Variants in PLAGL1 observed in about 807,000 individuals in gnomAD.
The protein encoded by PLAGL1 is zinc finger protein PLAGL1.
PLAGL1 carries 1 observed loss-of-function variant against 4.6 expected under a neutral mutation model. The ratio of observed to expected loss-of-function variants is 0.22; its 90% CI spans 0.08 to 1.03. PLAGL1 has a LOEUF of 1.03. Ranked by LOEUF, PLAGL1 falls within the 50% of genes least tolerant of loss-of-function variation. The pLI is 0.58. For missense variants in PLAGL1, 464 were observed against 570.4 expected (o/e 0.81, Z 1.90); for synonymous variants, 240 against 237.8 (o/e 1.01, Z -0.08).
At chr6:143,974,357 G>A (rs570681846) in intron 2 of PLAGL1, among the ~76,000 whole-genome samples, 3 of 151,846 alleles carry the variant, frequency 2.0e-5, no homozygotes, top group East Asian at 3.9e-4. Flanking sequence ...ACCTTCCCAC[G>A]TGCCCACAGG....
rs1470610781 is a variant in PLAGL1, at chr6:144,063,569, C to A, written c.-151+899G>T. 1.3e-5 allele frequency among the ~76,000 whole-genome samples: 2 copies of A among 152,304 alleles called. No individual in the cohort carries two copies. The highest frequency in any genetic ancestry group is 3.9e-4 in the East Asian group (2 of 5,188). Reference sequence around the variant, plus strand: ...ATCATTATTTATTCCGTGAATACATCGGAGTTCTGTTCTTTCGGTGGCCAC... The same window carrying A: ...ATCATTATTTATTCCGTGAATACATAGGAGTTCTGTTCTTTCGGTGGCCAC... On this transcript the variant is annotated intron_variant, in intron 1 of 3. Transcript: ENST00000437412. The surrounding 1 kb of genome is among the most constrained non-coding windows in gnomAD (Gnocchi z 5.7).
Position 143,940,707 on chromosome 6 carries a change from C to A in PLAGL1, c.*717G>T, listed in dbSNP as rs1778400995. 1 of 149,570 alleles carries A rather than the reference C, an allele frequency of 6.7e-6. No homozygotes were observed. The highest frequency in any genetic ancestry group is 1.5e-5 in the Non-Finnish European group (1 of 67,672). The allele number at this position is 149,570 out of a possible 1,614,324, so 9.3% of individuals were successfully genotyped here. On this transcript the variant is annotated 3_prime_UTR_variant, in exon 8 of 8. Coordinates refer to ENST00000674357, the MANE Select transcript of PLAGL1 (RefSeq NM_001317162.2). Reference sequence around the variant, plus strand: ...TTGACTGACGCCTGGATTATTTTACCACTTAACCTGGTTACACAGTGATTT... The same window carrying A: ...TTGACTGACGCCTGGATTATTTTACAACTTAACCTGGTTACACAGTGATTT...
Position 144,015,880 on chromosome 6 carries a change from A to T in PLAGL1, c.-150-46902T>A, listed in dbSNP as rs1795530945. 6.6e-6 allele frequency among the ~76,000 whole-genome samples: 1 copy of T among 152,190 alleles called. No individual in the cohort carries two copies. The highest frequency in any genetic ancestry group is 2.1e-4 in the South Asian group (1 of 4,830). ...TGACCCAGCAATCTCAGTCTTAGGT[A>T]TTTTATCCAAGAGAAATGATAACAT... is the stretch of plus-strand genomic sequence containing the variant. On this transcript the variant is annotated intron_variant, in intron 1 of 3. Coordinates refer to the PLAGL1 transcript ENST00000437412. The surrounding 1 kb of genome is among the most constrained non-coding windows in gnomAD (Gnocchi z 4.3).
chr6:143,988,493 A>C (rs1789702295), intron 1 of PLAGL1, among the ~76,000 whole-genome samples: 1 of 152,230 alleles, frequency 6.6e-6, no homozygotes, highest in Non-Finnish European at 1.5e-5. Flanking sequence ...AAGACCTGGC[A>C]TCAGGGGCTA....
chr6:143,945,087 C>T lies in PLAGL1; in HGVS notation c.153-2424G>A, dbSNP rs553028009. 1.1e-4 allele frequency among the ~76,000 whole-genome samples: 16 copies of T among 152,306 alleles called. No homozygotes were observed. Among genetic ancestry groups the T allele is most frequent in the Admixed American group, 1.0e-3 (16 of 15,292 alleles). Reference sequence around the variant, plus strand: ...CATTTCTGAATTTCTTGACTCTTTCCCTTGCCTGGCATCTACTTCTTTCCC... The same window carrying T: ...CATTTCTGAATTTCTTGACTCTTTCTCTTGCCTGGCATCTACTTCTTTCCC... On this transcript the variant is annotated intron_variant, in intron 7 of 7. Transcript: ENST00000674357. This position sits in a 1 kb window ranked among gnomAD's most constrained non-coding sequence, Gnocchi z 4.2.
Position 144,027,242 on chromosome 6 carries a change from A to AAAGAAAGAAAGAAAGAAG in PLAGL1, c.-151+37225_-151+37226insCTTCTTTCTTTCTTTCTT, listed in dbSNP as rs1562587374. Among the ~76,000 whole-genome samples, 1 of 86,164 alleles carries AAAGAAAGAAAGAAAGAAG rather than the reference A, an allele frequency of 1.2e-5. No individual in the cohort carries two copies. Among genetic ancestry groups the AAAGAAAGAAAGAAAGAAG allele is most frequent in the African/African-American group, 4.1e-5 (1 of 24,520 alleles). 56.5% of individuals were successfully genotyped at this position (86,164 alleles called of 152,430 possible). ...CCAACTCAAAGAACGAACGAAAGAA[A>AAAGAAAGAAAGAAAGAAG]GAAAGAAAGAAAGAAAGAAAGAAAG... On this transcript the variant is annotated intron_variant, in intron 1 of 3. Coordinates refer to the PLAGL1 transcript ENST00000437412. This position sits in a 1 kb window ranked among gnomAD's most constrained non-coding sequence, Gnocchi z 5.8.
At chr6:143,943,719 A>G (rs139080673) in intron 7 of PLAGL1, among the ~76,000 whole-genome samples, 278 of 152,122 alleles carry the variant, frequency 1.8e-3, no homozygotes, top group Middle Eastern at 3.4e-3. Flanking sequence ...TGCTACTTCT[A>G]ATAAGAGTTG....
In PLAGL1 at chr6:143,942,794, A is replaced by G. The variant is rs927815621; in HGVS notation, c.153-131T>C. 42 of 635,824 alleles carry G rather than the reference A, an allele frequency of 6.6e-5. No individual in the cohort carries two copies. The highest frequency in any genetic ancestry group is 9.8e-5 in the Non-Finnish European group (38 of 387,672). 39.4% of individuals were successfully genotyped at this position (635,824 alleles called of 1,614,324 possible). A position where few individuals can be genotyped will look rare whatever the true frequency, so the allele number is the denominator to read the frequency against. ...GGTATAATTTTCAAAATTCTTTCAT[A>G]TATTTTCCAAATATATAAACTTTTA... On this transcript the variant is annotated intron_variant, in intron 7 of 7. Transcript: ENST00000674357. This position sits in a 1 kb window ranked among gnomAD's most constrained non-coding sequence, Gnocchi z 7.6.
In PLAGL1 at chr6:143,954,273, C is replaced by A. The variant is rs1251097849; in HGVS notation, c.-324-5813G>T. On this transcript the variant is annotated intron_variant, in intron 6 of 7. Coordinates refer to ENST00000674357, the MANE Select transcript of PLAGL1 (RefSeq NM_001317162.2). This position sits in a 1 kb window ranked among gnomAD's most constrained non-coding sequence, Gnocchi z 5.1. Reference sequence around the variant, plus strand: ...AGAGGAAGGCACTTAATAGGGAAAACTGACACAAAAAGTAACGGGGAAAAA... The same window carrying A: ...AGAGGAAGGCACTTAATAGGGAAAAATGACACAAAAAGTAACGGGGAAAAA... Among the ~76,000 whole-genome samples, 2 of 152,004 alleles carry A rather than the reference C, an allele frequency of 1.3e-5. No individual in the cohort carries two copies. The highest frequency in any genetic ancestry group is 2.9e-5 in the Non-Finnish European group (2 of 68,012).
chr6:143,991,628 T>C (rs1020436819), intron 1 of PLAGL1, among the ~76,000 whole-genome samples: 1 of 152,224 alleles, frequency 6.6e-6, no homozygotes, highest in African/African-American at 2.4e-5. Context: ...TTTCTCTAGC[T>C]GCACCATTTC....
intron 1 of PLAGL1, among the ~76,000 whole-genome samples, chr6:144,057,666 C>G (rs1245527404): frequency 1.3e-5 from 2 of 152,192 alleles, no homozygotes; most frequent in African/African-American, 4.8e-5. Flanking sequence ...GCTCATGTCT[C>G]TAGCTCCTCT....
intron 1 of PLAGL1, among the ~76,000 whole-genome samples, chr6:144,043,636 CTTTT>C (rs903895460): frequency 5.3e-5 from 8 of 151,248 alleles, no homozygotes; most frequent in Non-Finnish European, 8.9e-5. Context: ...CTAAAATTCT[CTTTT>C]TTTTTGTTGT....
chr6:144,058,331 G>A (rs1208360356), intron 1 of PLAGL1, among the ~76,000 whole-genome samples: 2 of 152,178 alleles, frequency 1.3e-5, no homozygotes, highest in African/African-American at 4.8e-5. Context: ...GCATTCCTGA[G>A]GGATCCGTCC....
Position 143,958,914 on chromosome 6 carries a change from C to CT in PLAGL1, c.-325+1554dup, listed in dbSNP as rs1022228388. Among the ~76,000 whole-genome samples the CT allele has an allele frequency of 6.6e-6, 1 of 152,132 alleles. No homozygotes were observed. The highest frequency in any genetic ancestry group is 2.4e-5 in the African/African-American group (1 of 41,418). On this transcript the variant is annotated intron_variant, in intron 6 of 7. Coordinates refer to ENST00000674357, the MANE Select transcript of PLAGL1 (RefSeq NM_001317162.2). This position sits in a 1 kb window ranked among gnomAD's most constrained non-coding sequence, Gnocchi z 5.1. The stretch of plus-strand genomic sequence containing the variant: ...GCCTCTTCTCCTTTTCACCTTAAGT[C>CT]TTTTTTCTCTCCCATTCACAGCTTT...
At chr6:143,998,172 C>A (rs1357792629) in intron 1 of PLAGL1, among the ~76,000 whole-genome samples, 1 of 152,062 alleles carries the variant, frequency 6.6e-6, no homozygotes, top group Non-Finnish European at 1.5e-5. Context: ...GAAGGAAAGT[C>A]CAAAGAAAAT....
rs1399627455 is a variant in PLAGL1, at chr6:144,027,760, T to C, written c.-151+36708A>G. On this transcript the variant is annotated intron_variant, in intron 1 of 3. Transcript: ENST00000437412. The surrounding 1 kb of genome is among the most constrained non-coding windows in gnomAD (Gnocchi z 5.8). Reference sequence around the variant, plus strand: ...GAAACACTTCGCTCTGTCAGGGAAATGTTAATCATATTTGCTAAACTTACT... The same window carrying C: ...GAAACACTTCGCTCTGTCAGGGAAACGTTAATCATATTTGCTAAACTTACT... Among the ~76,000 whole-genome samples the C allele has an allele frequency of 6.6e-6, 1 of 152,084 alleles. No homozygotes were observed. Among genetic ancestry groups the C allele is most frequent in the Non-Finnish European group, 1.5e-5 (1 of 68,038 alleles).
rs1455504507 is a variant in PLAGL1 at position 143,953,723 on chromosome 6, C to G, written c.-324-5263G>C. On this transcript the variant is annotated intron_variant, in intron 6 of 7. Coordinates refer to ENST00000674357, the MANE Select transcript of PLAGL1 (RefSeq NM_001317162.2). The surrounding 1 kb of genome is among the most constrained non-coding windows in gnomAD (Gnocchi z 5.3). ...GGAAGCTGAAAAGCAGGTAAACAAG[C>G]AGTGATCGACTTGGCCATCCTAAGA... is the stretch of plus-strand genomic sequence containing the variant. Among the ~76,000 whole-genome samples, 1 of 152,288 alleles carries G rather than the reference C, an allele frequency of 6.6e-6. No individual in the cohort carries two copies. The highest frequency in any genetic ancestry group is 1.9e-4 in the East Asian group (1 of 5,188).
chr6:144,026,935 G>A (rs563286813), intron 1 of PLAGL1, among the ~76,000 whole-genome samples: 44 of 152,210 alleles, frequency 2.9e-4, no homozygotes, highest in African/African-American at 9.9e-4. Context: ...ATTTTGGCCA[G>A]GTGCAGTGGC....
At chr6:143,967,443 T>C (rs761105693) in intron 3 of PLAGL1, 15 of 152,182 alleles carry the variant, frequency 9.9e-5, no homozygotes, top group Non-Finnish European at 1.8e-4. Context: ...ATGTGGATCA[T>C]CATGACACAA....
Sources: gnomAD v4.1 joint callset for allele counts (sites outside exome capture counted in the v4.1 genomes callset) on GRCh38, gnomAD v4.1.1 for gene constraint, Gnocchi (gnomAD v3.1) non-coding constraint, MANE v1.5 for transcripts, NCBI Gene and HGNC (gene_info 2026-07-23, HGNC 2026-07-21) for gene names.